Variants in PDE7B observed in about 807,000 individuals in gnomAD.
PDE7B encodes the protein phosphodiesterase 7B.
A neutral mutation model predicts 56.2 loss-of-function variants in PDE7B; 29 were observed. That is an observed-to-expected ratio of 0.52 (90% CI 0.38 to 0.70). The LOEUF (loss-of-function observed/expected upper bound fraction) is 0.70. Among genes scored for constraint, PDE7B ranks in the 30% least tolerant of loss-of-function variants. The pLI, the probability that PDE7B is intolerant of heterozygous loss-of-function variation, is 0.00. For synonymous variants in PDE7B, 197 were observed against 196.9 expected, an observed-to-expected ratio of 1.00 and a Z score of 0.00; for missense variants, 490 against 565.0, an observed-to-expected ratio of 0.87 and a Z score of 1.35.
rs371298039 is a variant in PDE7B at position 135,988,436 on chromosome 6, TAGAC to T, written c.82+40916_82+40919del. 4.6e-5 allele frequency among the ~76,000 whole-genome samples: 7 copies of T among 152,272 alleles called. No individual in the cohort carries two copies. The South Asian group carries it at 1.4e-3, about 32-fold the overall frequency. On this transcript the variant is annotated intron_variant, in intron 2 of 12. Transcript: ENST00000308191. ...GACATTCTAATGGAAATATTTAAAT[TAGAC>T]AGAATTTGAAACTAGATTTCTCCAC...
intron 2 of PDE7B, among the ~76,000 whole-genome samples, chr6:135,997,088 T>C (rs1253513692): frequency 6.6e-6 from 1 of 151,994 alleles, no homozygotes; most frequent in African/African-American, 2.4e-5. Context: ...GGTTTTTTTG[T>C]TGTTGTTGTT....
intron 2 of PDE7B, among the ~76,000 whole-genome samples, chr6:135,957,440 C>T (rs928959158): frequency 6.6e-6 from 1 of 152,132 alleles, no homozygotes; most frequent in African/African-American, 2.4e-5. Flanking sequence ...GTTCTTAACA[C>T]TCATTTCAAA....
At chr6:135,931,503 G>A (rs139420018) in intron 1 of PDE7B, among the ~76,000 whole-genome samples, 5 of 152,246 alleles carry the variant, frequency 3.3e-5, no homozygotes, top group African/African-American at 1.2e-4. Flanking sequence ...TATGAATGGT[G>A]GCAGGCCAAG....
In PDE7B at chr6:136,099,424, C is replaced by A. The variant is rs562969973; in HGVS notation, c.83-9307C>A. Among the ~76,000 whole-genome samples, 4 of 152,324 alleles carry A rather than the reference C, an allele frequency of 2.6e-5. No individual in the cohort carries two copies. The East Asian group carries it at 7.7e-4, about 29-fold the overall frequency. On this transcript the variant is annotated intron_variant, in intron 2 of 12. Transcript: ENST00000308191. ...AAAAGCATTCCTATTTCTCCACATC[C>A]TCTCCAGCATCTGTTGTTTCCTGAC...
chr6:136,019,416 A>G (rs1261009887), intron 2 of PDE7B, among the ~76,000 whole-genome samples: 1 of 152,176 alleles, frequency 6.6e-6, no homozygotes, highest in Non-Finnish European at 1.5e-5. Context: ...AGGCCATCAA[A>G]CTGTCAAAGC....
At chr6:136,006,509 G>A (rs372478533) in intron 2 of PDE7B, among the ~76,000 whole-genome samples, 1 of 152,054 alleles carries the variant, frequency 6.6e-6, no homozygotes, top group East Asian at 1.9e-4. Flanking sequence ...GGGAAGCATG[G>A]CCATTTCAAT....
intron 9 of PDE7B, among the ~76,000 whole-genome samples, chr6:136,178,687 T>C (rs780913059): frequency 2.6e-5 from 4 of 152,240 alleles, no homozygotes; most frequent in Non-Finnish European, 5.9e-5. Flanking sequence ...AAGTCTTTTG[T>C]GTCCTCCCTA....
chr6:135,881,271 G>T (rs1253702041), intron 1 of PDE7B, among the ~76,000 whole-genome samples: 1 of 151,670 alleles, frequency 6.6e-6, no homozygotes, highest in Non-Finnish European at 1.5e-5. Flanking sequence ...GCTGAAGTGG[G>T]CGGATCACAA....
chr6:136,039,332 C>T (rs1430142811), intron 2 of PDE7B, among the ~76,000 whole-genome samples: 1 of 151,942 alleles, frequency 6.6e-6, no homozygotes, highest in Admixed American at 6.6e-5. Context: ...GAATATGTTG[C>T]TAGATATTTG....
At chr6:136,178,913 C>A in intron 9 of PDE7B, 84 bp from the exon 10 acceptor site, 2 of 1,401,382 alleles carry the variant, frequency 1.4e-6, no homozygotes, top group Non-Finnish European at 2.0e-6. Context: ...AGATTACAAG[C>A]CACCTGATGA....
intron 3 of PDE7B, among the ~76,000 whole-genome samples, chr6:136,133,769 C>A (rs1778160295): frequency 6.6e-6 from 1 of 152,148 alleles, no homozygotes; most frequent in Non-Finnish European, 1.5e-5. Flanking sequence ...AGGAGGAGAG[C>A]TGAATGCCTC....
chr6:136,109,619 C>T (rs1331047256), intron 3 of PDE7B, among the ~76,000 whole-genome samples: 1 of 152,172 alleles, frequency 6.6e-6, no homozygotes, highest in African/African-American at 2.4e-5. Context: ...CTGCTTTCTC[C>T]CTTGAATCTT....
chr6:136,172,500 ATTTG>A (rs1445117835), intron 8 of PDE7B, among the ~76,000 whole-genome samples: 1 of 151,952 alleles, frequency 6.6e-6, no homozygotes, highest in East Asian at 1.9e-4. Flanking sequence ...TTTCTTGTAA[ATTTG>A]TTTGAGTTCA....
chr6:135,969,917 A>G (rs971922372), intron 2 of PDE7B, among the ~76,000 whole-genome samples: 12 of 152,190 alleles, frequency 7.9e-5, no homozygotes, highest in African/African-American at 2.9e-4. Flanking sequence ...TGGGGAAATG[A>G]TGAAGATGGT....
intron 2 of PDE7B, among the ~76,000 whole-genome samples, chr6:136,040,501 T>A (rs1776395562): frequency 6.6e-6 from 1 of 152,212 alleles, no homozygotes; most frequent in African/African-American, 2.4e-5. Flanking sequence ...ATCAGGTGTC[T>A]TCAGCTGCAT....
chr6:136,092,864 C>T (rs1562491062), intron 2 of PDE7B, among the ~76,000 whole-genome samples: 1 of 152,104 alleles, frequency 6.6e-6, no homozygotes, highest in East Asian at 1.9e-4. Context: ...CTCTACTGTA[C>T]AGAATGGTGA....
chr6:135,877,082 AT>A (rs1234686518), intron 1 of PDE7B, among the ~76,000 whole-genome samples: 10 of 151,480 alleles, frequency 6.6e-5, no homozygotes, highest in African/African-American at 2.2e-4. Flanking sequence ...TTAAAAAAAA[AT>A]CTACCGAATT....
At chr6:135,854,986 T>C (rs1401365916) in intron 1 of PDE7B, among the ~76,000 whole-genome samples, 2 of 152,200 alleles carry the variant, frequency 1.3e-5, no homozygotes, top group African/African-American at 4.8e-5. Flanking sequence ...AATGAGTTGA[T>C]GTGTACTTAG....
At chr6:135,956,590 G>A (rs1238206520) in intron 2 of PDE7B, among the ~76,000 whole-genome samples, 1 of 152,076 alleles carries the variant, frequency 6.6e-6, no homozygotes, top group Non-Finnish European at 1.5e-5. Flanking sequence ...ACCAGCCTGG[G>A]AAACATAGCA....
Sources: allele counts gnomAD v4.1 joint callset (sites outside exome capture counted in the v4.1 genomes callset), GRCh38; gene constraint gnomAD v4.1.1; transcripts MANE v1.5; gene names NCBI Gene and HGNC (gene_info 2026-07-23, HGNC 2026-07-21).